SLC22A23: variants seen among roughly 807,000 people sequenced by gnomAD.
SLC22A23 encodes the protein ion transporter protein.
SLC22A23 carries 26 observed loss-of-function variants against 61.0 expected under a neutral mutation model. The observed-to-expected ratio is 0.43, with a 90% CI of 0.31 to 0.59. SLC22A23 has a LOEUF of 0.59. Ranked by LOEUF, SLC22A23 falls within the 20% of genes least tolerant of loss-of-function variation. The probability of loss-of-function intolerance (pLI) is 0.11; values close to 1 mark genes in which losing one functional copy is unlikely to be tolerated. For missense variants in SLC22A23, 796 were observed against 934.7 expected, an observed-to-expected ratio of 0.85 and a Z score of 1.94; for synonymous variants, 430 against 413.9, an observed-to-expected ratio of 1.04 and a Z score of -0.47.
intron 2 of SLC22A23, among the ~76,000 whole-genome samples, chr6:3,411,025 C>T (rs1769196521): frequency 6.6e-6 from 1 of 152,154 alleles, no homozygotes; most frequent in African/African-American, 2.4e-5. Flanking sequence ...CTGGAAACGG[C>T]CACAGATACC....
rs1349078589 is a variant in SLC22A23, at chr6:3,285,095, G to C, written c.1563C>G (p.Ser521Arg). The C allele has an allele frequency of 6.2e-7, 1 of 1,613,398 alleles. No individual in the cohort carries two copies. The highest frequency in any genetic ancestry group is 8.5e-7 in the Non-Finnish European group (1 of 1,179,674). ...LGLLNLIGKY[S>R]QHPDSGMSDS... ...GGGACTCACCTGAGTCTGGGTGCTG[G>C]CTGTACTTTCCAATCACTGGACCCG... is the stretch of plus-strand genomic sequence containing the variant. Residue 521 changes from serine (S) to arginine (R), a missense_variant, in exon 8 of 10, where the codon AGC becomes AGG. Physicochemically the swap from Ser to Arg is moderately radical, Grantham distance 110. Coordinates refer to ENST00000406686, the MANE Select transcript of SLC22A23 (RefSeq NM_015482.2).
rs1393821354 is a variant in SLC22A23, at chr6:3,272,908, T to G, written c.*147A>C. The G allele has an allele frequency of 2.8e-5, 20 of 717,634 alleles. No individual in the cohort carries two copies. The highest frequency in any genetic ancestry group is 3.8e-5 in the Non-Finnish European group (17 of 445,048). 44.5% of individuals were successfully genotyped at this position (717,634 alleles called of 1,614,324 possible). A position where few individuals can be genotyped will look rare whatever the true frequency, so the allele number is the denominator to read the frequency against. ...CTCCGACCCGCGCTCCTTGGACTTT[T>G]GGAAAGACAGGATTTCCCCACACCA... On this transcript the variant is annotated 3_prime_UTR_variant, in exon 10 of 10. Coordinates refer to ENST00000406686, the MANE Select transcript of SLC22A23 (RefSeq NM_015482.2).
chr6:3,426,453 C>T (rs1039084945), intron 1 of SLC22A23, among the ~76,000 whole-genome samples: 1 of 152,070 alleles, frequency 6.6e-6, no homozygotes, highest in Non-Finnish European at 1.5e-5. Context: ...GGTGGTACTA[C>T]CTTCATTCTA....
intron 1 of SLC22A23, chr6:3,432,120 A>G: frequency 1.2e-6 from 1 of 800,230 alleles, no homozygotes; most frequent in Non-Finnish European, 1.5e-6. Context: ...CAGGGGGCTG[A>G]GTAATCCCCA....
At chr6:3,279,509 C>CAAAAAAAAAAAAAAA (rs10642564) in intron 9 of SLC22A23, among the ~76,000 whole-genome samples, 381 of 36,002 alleles carry the variant, frequency 0.011, 125 homozygotes, top group South Asian at 0.016. Context: ...GGCTCCGTCT[C>CAAAAAAAAAAAAAAA]AAAAAAAAAA....
At chr6:3,359,304 G>T (rs1765296517) in intron 3 of SLC22A23, among the ~76,000 whole-genome samples, 1 of 152,182 alleles carries the variant, frequency 6.6e-6, no homozygotes, top group African/African-American at 2.4e-5. Flanking sequence ...ATGCTAGCTG[G>T]TGTTGCCACG....
In SLC22A23 at chr6:3,269,126, C is replaced by G. The variant is rs1280640990; in HGVS notation, c.*3929G>C. The G allele has an allele frequency of 1.3e-5, 2 of 151,978 alleles. No homozygotes were observed. Among genetic ancestry groups the G allele is most frequent in the African/African-American group, 4.8e-5 (2 of 41,276 alleles). 9.4% of individuals were successfully genotyped at this position (151,978 alleles called of 1,614,324 possible). A position where few individuals can be genotyped will look rare whatever the true frequency, so the allele number is the denominator to read the frequency against. ...TAGGAACCTTCAGGCCACGGATCAG[C>G]AGAACATACACGAACAAGGGAAAAA... is the stretch of plus-strand genomic sequence containing the variant. On this transcript the variant is annotated 3_prime_UTR_variant, in exon 10 of 10. Transcript: ENST00000406686.
intron 1 of SLC22A23, among the ~76,000 whole-genome samples, chr6:3,417,469 T>G (rs1769806971): frequency 6.6e-6 from 1 of 152,138 alleles, no homozygotes; most frequent in African/African-American, 2.4e-5. Flanking sequence ...GCACTGCTGG[T>G]TGCACAGATT....
chr6:3,445,346 G>A (rs1026738490), intron 1 of SLC22A23, among the ~76,000 whole-genome samples: 4 of 152,068 alleles, frequency 2.6e-5, no homozygotes, highest in Admixed American at 6.5e-5. Context: ...TTACAGGCAC[G>A]CACCACCATA....
In SLC22A23 at chr6:3,273,278, A is replaced by C; in HGVS notation, c.1838T>G (p.Ile613Ser). Reference sequence around the variant, plus strand: ...GCTCTCGGGCAGCAGGAGGATGCAGATGATGCAGATGAGCGTGCAGCAGGC... The same window carrying C: ...GCTCTCGGGCAGCAGGAGGATGCAGCTGATGCAGATGAGCGTGCAGCAGGC... ...IFACCTLICIICILLLPESRD... is the reference protein window; with the variant it reads ...IFACCTLICISCILLLPESRD... Residue 613 changes from isoleucine (I) to serine (S), a missense_variant, in exon 10 of 10, where the codon ATC becomes AGC. By Grantham distance (142) the Ile-to-Ser change is moderately radical. Transcript: ENST00000406686. The C allele has an allele frequency of 6.2e-7, 1 of 1,613,880 alleles. No individual in the cohort carries two copies. Among genetic ancestry groups the C allele is most frequent in the Non-Finnish European group, 8.5e-7 (1 of 1,179,818 alleles).
At chr6:3,399,626 C>A (rs970008420) in intron 3 of SLC22A23, among the ~76,000 whole-genome samples, 6 of 152,126 alleles carry the variant, frequency 3.9e-5, no homozygotes, top group Admixed American at 2.6e-4. Flanking sequence ...TGTTTACAGG[C>A]GTTTTTAGGG....
At chr6:3,325,386 T>C (rs1213448583) in intron 3 of SLC22A23, among the ~76,000 whole-genome samples, 6 of 152,204 alleles carry the variant, frequency 3.9e-5, no homozygotes, top group Non-Finnish European at 8.8e-5. Context: ...CTACAGCAGC[T>C]CATCTGCTGG....
intron 3 of SLC22A23, among the ~76,000 whole-genome samples, chr6:3,403,140 A>G (rs1768546146): frequency 6.6e-6 from 1 of 150,680 alleles, no homozygotes; most frequent in Non-Finnish European, 1.5e-5. Context: ...TTCCCACTAG[A>G]TACATTTGGA....
intron 9 of SLC22A23, among the ~76,000 whole-genome samples, chr6:3,275,615 C>T (rs1459360975): frequency 6.6e-6 from 1 of 152,178 alleles, no homozygotes; most frequent in East Asian, 1.9e-4. Context: ...TTGAGAGTCT[C>T]ACTGTCGCAC....
At position 3,330,217 on chromosome 6, in the gene SLC22A23, G is replaced by C. The variant is rs1351051795; in HGVS notation, c.914-6215C>G. Reference sequence around the variant, plus strand: ...GACTAGAAGCCCATTTCCACCAGCAGCGGGAAAATGTGGAAAGGAAGGAGG... The same window carrying C: ...GACTAGAAGCCCATTTCCACCAGCACCGGGAAAATGTGGAAAGGAAGGAGG... On this transcript the variant is annotated intron_variant, in intron 3 of 9. Transcript: ENST00000406686. The surrounding 1 kb of genome is among the most constrained non-coding windows in gnomAD (Gnocchi z 4.7). 6.6e-6 allele frequency among the ~76,000 whole-genome samples: 1 copy of C among 152,204 alleles called. No individual in the cohort carries two copies. The highest frequency in any genetic ancestry group is 1.5e-5 in the Non-Finnish European group (1 of 68,032).
intron 6 of SLC22A23, among the ~76,000 whole-genome samples, chr6:3,288,272 C>T (rs886187588): frequency 5.3e-5 from 8 of 152,188 alleles, no homozygotes; most frequent in Non-Finnish European, 8.8e-5. Context: ...CTGCCCCCTT[C>T]TCTCCCCAAA....
chr6:3,428,226 G>C (rs1770632172), intron 1 of SLC22A23, among the ~76,000 whole-genome samples: 1 of 152,176 alleles, frequency 6.6e-6, no homozygotes. Flanking sequence ...CCCAAGTCGC[G>C]GCCCTCACCA....
At position 3,414,228 on chromosome 6, in the gene SLC22A23, G is replaced by A. The variant is rs1769502590; in HGVS notation, c.758+1524C>T. On this transcript the variant is annotated intron_variant, in intron 2 of 9. Coordinates refer to ENST00000406686, the MANE Select transcript of SLC22A23 (RefSeq NM_015482.2). This position sits in a 1 kb window ranked among gnomAD's most constrained non-coding sequence, Gnocchi z 5.1. ...CATTTTTTTAGAAAGACAGTGACAT[G>A]GATTATATTAGTATATTTTTCTAAC... 6.6e-6 allele frequency among the ~76,000 whole-genome samples: 1 copy of A among 152,070 alleles called. No individual in the cohort carries two copies. Among genetic ancestry groups the A allele is most frequent in the South Asian group, 2.1e-4 (1 of 4,828 alleles).
At chr6:3,367,244 A>G (rs1360908075) in intron 3 of SLC22A23, among the ~76,000 whole-genome samples, 4 of 152,246 alleles carry the variant, frequency 2.6e-5, no homozygotes, top group Non-Finnish European at 5.9e-5. Context: ...GTACATTTCC[A>G]AAACAGTCCA....
Sources: gnomAD v4.1 joint callset for allele counts (sites outside exome capture counted in the v4.1 genomes callset) on GRCh38, gnomAD v4.1.1 for gene constraint, Gnocchi (gnomAD v3.1) non-coding constraint, MANE v1.5 for transcripts, NCBI Gene and HGNC (gene_info 2026-07-23, HGNC 2026-07-21) for gene names.